Variants in FAT3 observed in about 807,000 individuals in gnomAD.
FAT3 encodes the protein protocadherin Fat 3.
FAT3 carries 95 observed loss-of-function variants against 310.2 expected under a neutral mutation model. The ratio of observed to expected loss-of-function variants is 0.31; its 90% CI spans 0.26 to 0.36. The LOEUF is 0.36. Ranked by LOEUF, FAT3 falls within the 10% of genes least tolerant of loss-of-function variation. FAT3 has a pLI of 1.00. For missense variants in FAT3, 5,408 were observed against 5,715.6 expected, an observed-to-expected ratio of 0.95 and a Z score of 1.74; for synonymous variants, 2,314 against 2,192.9, an observed-to-expected ratio of 1.06 and a Z score of -1.54.
intron 4 of FAT3, among the ~76,000 whole-genome samples, chr11:92,750,207 G>A (rs1945791888): frequency 6.6e-6 from 1 of 152,104 alleles, no homozygotes; most frequent in South Asian, 2.1e-4. Context: ...ATAATGAGAG[G>A]GGGAGGGAGA....
intron 2 of FAT3, among the ~76,000 whole-genome samples, chr11:92,502,867 C>T (rs756054307): frequency 1.3e-5 from 2 of 151,992 alleles, no homozygotes; most frequent in Non-Finnish European, 2.9e-5. Flanking sequence ...AATGCAAATC[C>T]TGCTTCTATC....
intron 7 of FAT3, among the ~76,000 whole-genome samples, chr11:92,789,069 A>G (rs958365272): frequency 1.3e-5 from 2 of 152,196 alleles, no homozygotes; most frequent in African/African-American, 2.4e-5. Context: ...AAGTATGAAC[A>G]CCAAATGGGC....
intron 3 of FAT3, among the ~76,000 whole-genome samples, chr11:92,581,517 A>G (rs577331267): frequency 6.6e-6 from 1 of 152,066 alleles, no homozygotes; most frequent in African/African-American, 2.4e-5. Flanking sequence ...CTTTCATGTG[A>G]CAGTTCAGAT....
chr11:92,487,291 A>G (rs1250347943), intron 2 of FAT3, among the ~76,000 whole-genome samples: 1 of 152,156 alleles, frequency 6.6e-6, no homozygotes, highest in Non-Finnish European at 1.5e-5. Context: ...GCTCACTTCT[A>G]GCAGCACAGG....
intron 18 of FAT3, among the ~76,000 whole-genome samples, chr11:92,841,230 C>T (rs1056498928): frequency 2.6e-5 from 4 of 151,996 alleles, no homozygotes; most frequent in East Asian, 1.9e-4. Context: ...GCCTGTGTGA[C>T]GTAAAATGGG....
chr11:92,437,141 A>G (rs779813250), intron 2 of FAT3, among the ~76,000 whole-genome samples: 25 of 152,166 alleles, frequency 1.6e-4, no homozygotes, highest in Non-Finnish European at 3.1e-4. Context: ...ATTTACCTAA[A>G]TAATGTTCTA....
chr11:92,584,418 G>T (rs1189315153), intron 3 of FAT3, among the ~76,000 whole-genome samples: 1 of 152,022 alleles, frequency 6.6e-6, no homozygotes, highest in Non-Finnish European at 1.5e-5. Context: ...AAGCTTTTGA[G>T]TTGGCATTTT....
In FAT3 at chr11:92,353,782, G is replaced by A. The variant is rs780305849; in HGVS notation, c.1670G>A (p.Arg557His). Residue 557 changes from arginine to histidine, a missense_variant, in exon 2 of 28, where the codon CGC becomes CAC. Physicochemically the swap from Arg to His is conservative, Grantham distance 29. Coordinates refer to ENST00000525166, the MANE Select transcript of FAT3 (RefSeq NM_001367949.2). ...VRASDWGSPY[R>H]HESEVNVTIR... ...GCCTCTGACTGGGGTTCACCATACC[G>A]CCATGAAAGTGAGGTCAATGTGACT... 4 of 1,613,402 alleles carry A rather than the reference G, an allele frequency of 2.5e-6. No individual in the cohort carries two copies. Among genetic ancestry groups the A allele is most frequent in the South Asian group, 2.2e-5 (2 of 91,068 alleles).
chr11:92,303,866 G>C (rs7935287), intron 1 of FAT3, among the ~76,000 whole-genome samples: 208 of 152,202 alleles, frequency 1.4e-3, no homozygotes, highest in African/African-American at 4.9e-3. Flanking sequence ...AGTGTTGACT[G>C]CCTATTCAAA....
intron 4 of FAT3, among the ~76,000 whole-genome samples, chr11:92,712,706 C>G (rs1944560928): frequency 6.6e-6 from 1 of 152,188 alleles, no homozygotes; most frequent in African/African-American, 2.4e-5. Flanking sequence ...CTTTAGCTAT[C>G]TAGGCTTTTG....
At chr11:92,754,271 A>G (rs1403715077) in intron 4 of FAT3, among the ~76,000 whole-genome samples, 2 of 152,166 alleles carry the variant, frequency 1.3e-5, no homozygotes, top group African/African-American at 4.8e-5. Flanking sequence ...ACTGTCCATC[A>G]ACAGATGCAT....
intron 3 of FAT3, among the ~76,000 whole-genome samples, chr11:92,689,833 T>C (rs1943745796): frequency 6.6e-6 from 1 of 152,178 alleles, no homozygotes. Context: ...AAGTATTGTC[T>C]ATCATACAAG....
In FAT3 at chr11:92,801,167, A is replaced by C. The variant is rs116657035; in HGVS notation, c.8154A>C (p.Ala2718=). The C allele has an allele frequency of 2.9e-3, 4,616 of 1,613,952 alleles. 107 individuals are homozygous for C. The African/African-American group carries it at 0.052, about 18-fold the overall frequency. The change falls in exon 10 of 28, where the codon GCA becomes GCC. Residue 2718 remains alanine (A), a synonymous_variant. Coordinates refer to ENST00000525166, the MANE Select transcript of FAT3 (RefSeq NM_001367949.2). ...AGTCTCAGTATTCCTTTACCATTGC[A>C]GAAGATACAGCCATTGGGAGTACAG... ...FTQSQYSFTI[A]EDTAIGSTVD... is the part of the protein sequence containing the mutation.
intron 2 of FAT3, among the ~76,000 whole-genome samples, chr11:92,451,321 A>T (rs182866313): frequency 8.5e-4 from 130 of 152,272 alleles, no homozygotes; most frequent in Non-Finnish European, 1.6e-3. Flanking sequence ...GCCTCAGCAC[A>T]GCTCCGCGGA....
intron 2 of FAT3, among the ~76,000 whole-genome samples, chr11:92,457,786 G>A (rs7125296): frequency 0.087 from 13,280 of 152,132 alleles, 852 homozygotes; most frequent in African/African-American, 0.18. Context: ...GCCCGGTACG[G>A]TGGCGTGCAC....
intron 9 of FAT3, among the ~76,000 whole-genome samples, chr11:92,795,726 C>T (rs572534086): frequency 1.3e-5 from 2 of 152,108 alleles, no homozygotes; most frequent in East Asian, 1.9e-4. Flanking sequence ...GCCTGACCAA[C>T]GTGGCAAAAC....
intron 1 of FAT3, among the ~76,000 whole-genome samples, chr11:92,322,841 C>T (rs1026667127): frequency 6.6e-6 from 1 of 152,136 alleles, no homozygotes; most frequent in Non-Finnish European, 1.5e-5. Flanking sequence ...GTGACTTCCT[C>T]CTCTGAAGTC....
chr11:92,730,031 C>G (rs1565546801), intron 4 of FAT3, among the ~76,000 whole-genome samples: 1 of 151,938 alleles, frequency 6.6e-6, no homozygotes, highest in Non-Finnish European at 1.5e-5. Context: ...ACATACATAA[C>G]ATATATAAAA....
intron 20 of FAT3, among the ~76,000 whole-genome samples, chr11:92,857,604 A>G (rs1402383221): frequency 1.3e-5 from 2 of 152,176 alleles, no homozygotes; most frequent in African/African-American, 4.8e-5. Context: ...GTTTTTTATC[A>G]TGTCTCATGG....
Sources: allele counts gnomAD v4.1 joint callset (sites outside exome capture counted in the v4.1 genomes callset), GRCh38; gene constraint gnomAD v4.1.1; transcripts MANE v1.5; gene names NCBI Gene and HGNC (gene_info 2026-07-23, HGNC 2026-07-21).